Variants in DIXDC1 observed in about 807,000 individuals in gnomAD.
DIXDC1 encodes DIX domain containing 1, also known as dixin.
A neutral mutation model predicts 103.1 loss-of-function variants in DIXDC1; 64 were observed. The ratio of observed to expected loss-of-function variants is 0.62; its 90% confidence interval spans 0.51 to 0.76. The LOEUF is 0.76. Ranked by LOEUF, DIXDC1 falls within the 30% of genes least tolerant of loss-of-function variation. DIXDC1 has a pLI of 0.00. For synonymous variants in DIXDC1, 266 were observed against 298.5 expected, an observed-to-expected ratio of 0.89 and a Z score of 1.12; for missense variants, 759 against 834.2, an observed-to-expected ratio of 0.91 and a Z score of 1.11.
intron 5 of DIXDC1, among the ~76,000 whole-genome samples, chr11:111,978,346 C>T (rs1022889320): frequency 6.6e-6 from 1 of 152,144 alleles, no homozygotes; most frequent in African/African-American, 2.4e-5. Context: ...GGATATAATG[C>T]ATATTCCTTG....
intron 1 of DIXDC1, among the ~76,000 whole-genome samples, chr11:111,937,801 GAGGA>G (rs1966269303): frequency 6.6e-6 from 1 of 152,228 alleles, no homozygotes; most frequent in South Asian, 2.1e-4. Context: ...CTGAGCCCAA[GAGGA>G]CAGGACCACA....
intron 15 of DIXDC1, 92 bp from the exon 16 acceptor site, chr11:111,995,311 T>C: frequency 6.5e-7 from 1 of 1,532,308 alleles, no homozygotes; most frequent in Non-Finnish European, 8.8e-7. Context: ...GGGGGAAAAA[T>C]CTTCTGGAAA....
At chr11:112,018,841 A>T in intron 19 of DIXDC1, 115 bp from the exon 20 acceptor site, 1 of 790,600 alleles carries the variant, frequency 1.3e-6, no homozygotes. Context: ...AAGGACATAG[A>T]CTCTTAACTC....
intron 1 of DIXDC1, among the ~76,000 whole-genome samples, chr11:111,950,174 C>A (rs1443275952): frequency 6.6e-6 from 1 of 151,572 alleles, no homozygotes; most frequent in Non-Finnish European, 1.5e-5. Context: ...GGTTTAACAG[C>A]AAAATGTGTT....
At position 111,976,525 on chromosome 11, in the gene DIXDC1, C is replaced by G. The variant is rs1566514550; in HGVS notation, c.656+1542C>G. Among the ~76,000 whole-genome samples, 2 of 152,136 alleles carry G rather than the reference C, an allele frequency of 1.3e-5. No homozygotes were observed. Among genetic ancestry groups the G allele is most frequent in the Admixed American group, 6.5e-5 (1 of 15,282 alleles). ...TTTGGCATGCTGGGTTAGTAGCTGCCTTTTCCTCAGTGAGTCCCTGGGGAA... is the reference window on the plus strand; with the variant it reads ...TTTGGCATGCTGGGTTAGTAGCTGCGTTTTCCTCAGTGAGTCCCTGGGGAA... On this transcript the variant is annotated intron_variant, in intron 5 of 19. Transcript: ENST00000440460. This position sits in a 1 kb window ranked among gnomAD's most constrained non-coding sequence, Gnocchi z 4.3.
chr11:111,996,271 C>T lies in DIXDC1; in HGVS notation c.1756+125C>T, dbSNP rs1381446074. The T allele has an allele frequency of 6.2e-6, 5 of 805,446 alleles. No homozygotes were observed. The African/African-American group carries it at 8.8e-5, about 14-fold the overall frequency. The allele number at this position is 805,446 out of a possible 1,614,324, so 49.9% of individuals were successfully genotyped here. On this transcript the variant is annotated intron_variant, in intron 17 of 19. Coordinates refer to ENST00000440460, the MANE Select transcript of DIXDC1 (RefSeq NM_001037954.4). ...ACTTCACTTTTATACTATTTTGTTT[C>T]TGTAGCAATACTGCAATTGAGTTAG...
rs1361712043 is a variant in DIXDC1 at position 111,992,643 on chromosome 11, G to A, written c.1218+124G>A. On this transcript the variant is annotated intron_variant, in intron 11 of 19. Transcript: ENST00000440460. ...TGCTTCTGGGATGCCTGCCTTAAGTGTCTGCAGTTATTTTTATTCCCCATT... is the reference window on the plus strand; with the variant it reads ...TGCTTCTGGGATGCCTGCCTTAAGTATCTGCAGTTATTTTTATTCCCCATT... 5 of 847,754 alleles carry A rather than the reference G, an allele frequency of 5.9e-6. No individual in the cohort carries two copies. The African/African-American group carries it at 8.5e-5, about 14-fold the overall frequency. The allele number at this position is 847,754 out of a possible 1,614,324, so 52.5% of individuals were successfully genotyped here. A position where few individuals can be genotyped will look rare whatever the true frequency, so the allele number is the denominator to read the frequency against.
upstream of DIXDC1, chr11:111,937,226 G>A: frequency 8.5e-7 from 1 of 1,171,656 alleles, no homozygotes; most frequent in Non-Finnish European, 1.1e-6. Context: ...CGGGGCTGGG[G>A]GCAGCCCGGC....
intron 1 of DIXDC1, among the ~76,000 whole-genome samples, chr11:111,943,487 CTTTTTT>C (rs1161024928): frequency 7.9e-5 from 9 of 113,430 alleles, no homozygotes; most frequent in African/African-American, 2.4e-4. Context: ...TTCTTTCTCT[CTTTTTT>C]TTTTTTTTTT....
chr11:111,947,068 TG>T (rs1450016020), intron 1 of DIXDC1, among the ~76,000 whole-genome samples: 2 of 152,158 alleles, frequency 1.3e-5, no homozygotes, highest in Admixed American at 1.3e-4. Flanking sequence ...TGTTTATATT[TG>T]TTTTGGTTCT....
At chr11:111,990,335 C>T (rs1450641913) in intron 10 of DIXDC1, among the ~76,000 whole-genome samples, 1 of 151,868 alleles carries the variant, frequency 6.6e-6, no homozygotes, top group Non-Finnish European at 1.5e-5. Flanking sequence ...AGGTGATCCA[C>T]CTGCCTCGGC....
chr11:112,017,987 C>G lies in DIXDC1; in HGVS notation c.1971+102C>G, dbSNP rs1861649463. On this transcript the variant is annotated intron_variant, in intron 19 of 19. Coordinates refer to ENST00000440460, the MANE Select transcript of DIXDC1 (RefSeq NM_001037954.4). The surrounding 1 kb of genome is among the most constrained non-coding windows in gnomAD (Gnocchi z 4.0). Reference sequence around the variant, plus strand: ...GTCCAGAAGTACATGAGTTCCCTGACTAGGTCAGAAGAATTTGCCAGAGCC... The same window carrying G: ...GTCCAGAAGTACATGAGTTCCCTGAGTAGGTCAGAAGAATTTGCCAGAGCC... 2.3e-6 allele frequency: 2 copies of G among 882,274 alleles called. No homozygotes were observed. The highest frequency in any genetic ancestry group is 3.5e-6 in the Non-Finnish European group (2 of 577,604). 54.7% of individuals were successfully genotyped at this position (882,274 alleles called of 1,614,324 possible).
intron 17 of DIXDC1, among the ~76,000 whole-genome samples, chr11:112,003,665 G>T (rs375053810): frequency 3.9e-5 from 6 of 151,992 alleles, no homozygotes; most frequent in Non-Finnish European, 8.8e-5. Context: ...CAGGCGTGGT[G>T]GTGCATGCCT....
chr11:111,969,161 G>A (rs1352419407), intron 3 of DIXDC1, among the ~76,000 whole-genome samples: 1 of 151,902 alleles, frequency 6.6e-6, no homozygotes, highest in African/African-American at 2.4e-5. Flanking sequence ...TGGGCATGGT[G>A]GCTCATACCT....
chr11:111,987,303 A>T (rs1860526280), intron 9 of DIXDC1, among the ~76,000 whole-genome samples: 1 of 151,900 alleles, frequency 6.6e-6, no homozygotes. Flanking sequence ...AGGGAAAGGG[A>T]TTTCAGAATT....
intron 3 of DIXDC1, among the ~76,000 whole-genome samples, chr11:111,973,108 C>T (rs1057236809): frequency 5.3e-5 from 8 of 151,516 alleles, no homozygotes; most frequent in Admixed American, 1.3e-4. Flanking sequence ...CAGTGGCTCA[C>T]GCCTGTAATC....
chr11:111,945,344 C>T (rs868949597), intron 1 of DIXDC1, among the ~76,000 whole-genome samples: 2 of 152,172 alleles, frequency 1.3e-5, no homozygotes, highest in Non-Finnish European at 1.5e-5. Flanking sequence ...TCAGAAAGTT[C>T]CAGGGATTGG....
chr11:111,980,748 C>G lies in DIXDC1; in HGVS notation c.668C>G (p.Pro223Arg). 6.2e-7 allele frequency: 1 copy of G among 1,613,642 alleles called. No homozygotes were observed. The highest frequency in any genetic ancestry group is 8.5e-7 in the Non-Finnish European group (1 of 1,179,734). ...SESSCSSLTS[P>R]SPIHSAKSES... ...TTCTTCAATCACAGCCTGACTTCAC[C>G]CAGTCCAATCCACAGTGCAAAGAGC... The change falls in exon 6 of 20, where the codon CCC (proline) becomes CGC (arginine). Residue 223 changes from proline to arginine, a missense_variant. Physicochemically the swap from Pro to Arg is moderately radical, Grantham distance 103. Transcript: ENST00000440460.
In DIXDC1 at chr11:111,938,382, C is replaced by T. The variant is rs903211004; in HGVS notation, c.60+823C>T. 6.6e-5 allele frequency among the ~76,000 whole-genome samples: 10 copies of T among 152,194 alleles called. No homozygotes were observed. The East Asian group carries it at 1.9e-3, about 29-fold the overall frequency. Reference sequence around the variant, plus strand: ...GCCCTACTCTTGCGGGTTGTCTTAGCCCAGCATCCAGGGAAACCTAGGCTG... The same window carrying T: ...GCCCTACTCTTGCGGGTTGTCTTAGTCCAGCATCCAGGGAAACCTAGGCTG... On this transcript the variant is annotated intron_variant, in intron 1 of 19. Coordinates refer to ENST00000440460, the MANE Select transcript of DIXDC1 (RefSeq NM_001037954.4).
Sources: allele counts gnomAD v4.1 joint callset (sites outside exome capture counted in the v4.1 genomes callset), GRCh38; gene constraint gnomAD v4.1.1; non-coding constraint Gnocchi (gnomAD v3.1); transcripts MANE v1.5; gene names NCBI Gene and HGNC (gene_info 2026-07-23, HGNC 2026-07-21).